Variants in KSR2 observed in about 807,000 individuals in gnomAD.
KSR2 encodes the protein kinase suppressor of ras 2.
A neutral mutation model predicts 107.8 loss-of-function variants in KSR2; 25 were observed. The ratio of observed to expected loss-of-function variants is 0.23; its 90% confidence interval spans 0.17 to 0.32. The LOEUF (loss-of-function observed/expected upper bound fraction) is 0.32, where lower values mean the gene tolerates loss of function less well. Ranked by LOEUF, KSR2 falls within the 10% of genes least tolerant of loss-of-function variation. The probability of loss-of-function intolerance (pLI) is 1.00; values close to 1 mark genes in which losing one functional copy is unlikely to be tolerated. For synonymous variants in KSR2, 480 were observed against 507.0 expected (o/e 0.95, Z 0.71); for missense variants, 887 against 1,268.9 (o/e 0.70, Z 4.57).
chr12:117,855,593 A>G lies in KSR2; in HGVS notation c.322-15T>C. ...GGGGAGATTTCCTAGAGGAGGGGAG[A>G]AGGATTGTCAACCGTGGGGCAGGAA... is the stretch of plus-strand genomic sequence containing the variant. On this transcript the variant is annotated splice_polypyrimidine_tract_variant and intron_variant, in intron 2 of 19. Coordinates refer to ENST00000339824, the MANE Select transcript of KSR2 (RefSeq NM_173598.6). 1 of 1,613,514 alleles carries G rather than the reference A, an allele frequency of 6.2e-7. No homozygotes were observed. The highest frequency in any genetic ancestry group is 1.1e-5 in the South Asian group (1 of 91,018).
Position 117,484,445 on chromosome 12 carries a change from GAA to G in KSR2, c.2419_2420del (p.Phe807GlnfsTer41). 6.2e-7 allele frequency: 1 copy of G among 1,613,982 alleles called. No individual in the cohort carries two copies. The highest frequency in any genetic ancestry group is 8.5e-7 in the Non-Finnish European group (1 of 1,179,864). On this transcript the variant is annotated frameshift_variant, in exon 16 of 20. Coordinates refer to ENST00000339824, the MANE Select transcript of KSR2 (RefSeq NM_173598.6). LOFTEE classifies it high-confidence loss of function. ...GKVVITDFGL[F>X]SISGVLQAGR... The stretch of plus-strand genomic sequence containing the variant: ...CAGCCTGCAGCACCCCAGAAATGCT[GAA>G]GAGTCCAAAGTCCGTGATGACCACT...
In KSR2 at chr12:117,467,090, G is replaced by T; in HGVS notation, c.*109C>A. ...CAGTGCTCCCAGGTCGGTCGGGGTT[G>T]GTACCCTCTGATGCTGAGTCTCTGG... is the stretch of plus-strand genomic sequence containing the variant. On this transcript the variant is annotated 3_prime_UTR_variant, in exon 20 of 20. Transcript: ENST00000339824. 1 of 529,946 alleles carries T rather than the reference G, an allele frequency of 1.9e-6. No homozygotes were observed. The highest frequency in any genetic ancestry group is 3.4e-6 in the Non-Finnish European group (1 of 292,150). The allele number at this position is 529,946 out of a possible 1,614,324, so 32.8% of individuals were successfully genotyped here.
chr12:117,772,947 C>T (rs1486892897), intron 3 of KSR2, among the ~76,000 whole-genome samples: 2 of 152,192 alleles, frequency 1.3e-5, no homozygotes, highest in African/African-American at 4.8e-5. Context: ...ATGAAATTAT[C>T]TTCCTCTCCA....
chr12:117,522,485 T>C (rs1339606115), intron 14 of KSR2, among the ~76,000 whole-genome samples: 1 of 152,070 alleles, frequency 6.6e-6, no homozygotes, highest in Non-Finnish European at 1.5e-5. Context: ...TGCTAAAAGA[T>C]GATGATATAT....
rs869275569 is a variant in KSR2 at position 117,741,353 on chromosome 12, CA to C, written c.986+19657del. Among the ~76,000 whole-genome samples, 382 of 106,110 alleles carry C rather than the reference CA, an allele frequency of 3.6e-3. 2 individuals carry two copies. In the East Asian group the frequency reaches 0.048, roughly 13 times the overall value. 69.6% of individuals were successfully genotyped at this position (106,110 alleles called of 152,430 possible). A position where few individuals can be genotyped will look rare whatever the true frequency, so the allele number is the denominator to read the frequency against. Reference sequence around the variant, plus strand: ...GCAACGTAGCAAGACCCAGTCTGTACAAAAAAAAAAAAAAATTTAATTAGCT... The same window carrying C: ...GCAACGTAGCAAGACCCAGTCTGTACAAAAAAAAAAAAAATTTAATTAGCT... On this transcript the variant is annotated intron_variant, in intron 4 of 19. Coordinates refer to ENST00000339824, the MANE Select transcript of KSR2 (RefSeq NM_173598.6).
intron 3 of KSR2, among the ~76,000 whole-genome samples, chr12:117,808,218 T>C (rs570124137): frequency 6.6e-6 from 1 of 152,320 alleles, no homozygotes; most frequent in Non-Finnish European, 1.5e-5. Context: ...TGTATGGCCC[T>C]GTCCAGGGGC....
At chr12:117,701,098 T>C (rs1173582709) in intron 4 of KSR2, among the ~76,000 whole-genome samples, 1 of 152,154 alleles carries the variant, frequency 6.6e-6, no homozygotes, top group African/African-American at 2.4e-5. Flanking sequence ...TTTATTTATT[T>C]ATTTATTGAG....
intron 14 of KSR2, among the ~76,000 whole-genome samples, chr12:117,507,463 A>C (rs1226980859): frequency 6.6e-6 from 1 of 152,256 alleles, no homozygotes; most frequent in African/African-American, 2.4e-5. Flanking sequence ...TAGGCTACTG[A>C]AACAGCAACA....
chr12:117,873,596 G>T (rs549889673), intron 1 of KSR2, among the ~76,000 whole-genome samples: 15 of 151,786 alleles, frequency 9.9e-5, no homozygotes, highest in African/African-American at 3.6e-4. Context: ...CGGTAGCTAG[G>T]ATTACAGGTG....
At chr12:117,679,067 G>A (rs750186402) in intron 4 of KSR2, among the ~76,000 whole-genome samples, 24 of 152,232 alleles carry the variant, frequency 1.6e-4, no homozygotes, top group Admixed American at 6.5e-4. Context: ...CTGTTTCCCC[G>A]TCTCCTTTCA....
intron 4 of KSR2, among the ~76,000 whole-genome samples, chr12:117,724,276 C>T (rs528642729): frequency 1.3e-3 from 195 of 147,656 alleles, no homozygotes; most frequent in Non-Finnish European, 2.5e-3. Flanking sequence ...CCATTGCACT[C>T]CAGCCTGGAC....
intron 1 of KSR2, among the ~76,000 whole-genome samples, chr12:117,864,925 G>C (rs1893422497): frequency 6.6e-6 from 1 of 152,036 alleles, no homozygotes; most frequent in South Asian, 2.1e-4. Context: ...GATCACAACT[G>C]GAACCAGAAC....
At chr12:117,678,902 C>T (rs73396603) in intron 4 of KSR2, among the ~76,000 whole-genome samples, 358 of 152,184 alleles carry the variant, frequency 2.4e-3, no homozygotes, top group African/African-American at 8.2e-3. Context: ...GGATACTGCC[C>T]AAGTGTGATG....
chr12:117,710,857 G>C (rs558971870), intron 4 of KSR2, among the ~76,000 whole-genome samples: 1 of 151,868 alleles, frequency 6.6e-6, no homozygotes, highest in East Asian at 1.9e-4. Context: ...CATCCATGTC[G>C]ACCTTCTTTC....
At chr12:117,911,847 C>T (rs1002926930) in intron 1 of KSR2, among the ~76,000 whole-genome samples, 3 of 152,192 alleles carry the variant, frequency 2.0e-5, no homozygotes, top group African/African-American at 7.2e-5. Context: ...TTAAACACTC[C>T]AACATATTGC....
intron 1 of KSR2, among the ~76,000 whole-genome samples, chr12:117,937,783 AC>A: frequency 7.0e-6 from 1 of 142,458 alleles, no homozygotes; most frequent in East Asian, 2.0e-4. Context: ...ACATGGAGAA[AC>A]CCCCATCTCT....
intron 5 of KSR2, among the ~76,000 whole-genome samples, chr12:117,648,344 C>T (rs562249435): frequency 5.3e-5 from 8 of 152,292 alleles, no homozygotes; most frequent in Non-Finnish European, 1.2e-4. Flanking sequence ...ACAATCTTCA[C>T]CACCCCCACC....
intron 1 of KSR2, among the ~76,000 whole-genome samples, chr12:117,914,914 GA>G (rs532612519): frequency 7.1e-4 from 108 of 152,302 alleles, no homozygotes; most frequent in African/African-American, 2.0e-3. Context: ...CTGAAACTAT[GA>G]AAGACTGTAG....
At chr12:117,587,930 C>T (rs534789046) in intron 5 of KSR2, among the ~76,000 whole-genome samples, 2 of 152,272 alleles carry the variant, frequency 1.3e-5, no homozygotes, top group Admixed American at 6.5e-5. Flanking sequence ...AGGGCCTCCC[C>T]GCCTCCCTAT....
Sources: allele counts gnomAD v4.1 joint callset (sites outside exome capture counted in the v4.1 genomes callset), GRCh38; gene constraint gnomAD v4.1.1; transcripts MANE v1.5; gene names NCBI Gene and HGNC (gene_info 2026-07-23, HGNC 2026-07-21).